The following SOX5 variants were observed in gnomAD, a reference collection of about 807,000 sequenced individuals.
The protein encoded by SOX5 is SRY-box transcription factor 5.
A neutral mutation model predicts 92.0 loss-of-function variants in SOX5; 9 were observed. The observed-to-expected ratio is 0.10, with a 90% confidence interval of 0.06 to 0.17. The LOEUF is 0.17. Ranked by LOEUF, SOX5 falls within the 10% of genes least tolerant of loss-of-function variation. The pLI, the probability that SOX5 is intolerant of heterozygous loss-of-function variation, is 1.00. For missense variants in SOX5, 642 were observed against 944.5 expected (o/e 0.68, Z 4.20); for synonymous variants, 344 against 336.3 (o/e 1.02, Z -0.25).
chr12:23,938,982 T>A (rs1372162481), intron 1 of SOX5, among the ~76,000 whole-genome samples: 1 of 151,132 alleles, frequency 6.6e-6, no homozygotes, highest in African/African-American at 2.4e-5. Flanking sequence ...TTGCCAAAAA[T>A]TAAACCTAGT....
intron 1 of SOX5, among the ~76,000 whole-genome samples, chr12:23,940,260 G>C (rs1943365138): frequency 6.6e-6 from 1 of 151,146 alleles, no homozygotes; most frequent in African/African-American, 2.4e-5. Flanking sequence ...ACTTCAAATA[G>C]CTCAGAGCAA....
chr12:23,554,132 A>C (rs915740533), intron 11 of SOX5, among the ~76,000 whole-genome samples: 4 of 152,112 alleles, frequency 2.6e-5, no homozygotes, highest in African/African-American at 9.7e-5. Context: ...CTTATAATGA[A>C]TAGCTGAAAC....
intron 2 of SOX5, among the ~76,000 whole-genome samples, chr12:24,283,200 G>T (rs914706437): frequency 8.5e-5 from 13 of 152,168 alleles, no homozygotes; most frequent in African/African-American, 3.1e-4. Flanking sequence ...CCACAATGTT[G>T]TAAAAATAAA....
Position 24,200,522 on chromosome 12 carries a change from G to A in SOX5, c.-2+12821C>T, listed in dbSNP as rs147993919. ...TTTTTTTAATTTGATCTACGCTGCC[G>A]TGAAAACACGCACACTCATATATAG... On this transcript the variant is annotated intron_variant, in intron 4 of 4. Coordinates refer to the SOX5 transcript ENST00000446891. Among the ~76,000 whole-genome samples, 61 of 151,652 alleles carry A rather than the reference G, an allele frequency of 4.0e-4. 1 individual carries two copies. The highest frequency in any genetic ancestry group is 1.3e-3 in the African/African-American group (54 of 41,294).
At chr12:23,846,656 C>T (rs1409202699) in intron 2 of SOX5, among the ~76,000 whole-genome samples, 1 of 152,074 alleles carries the variant, frequency 6.6e-6, no homozygotes, top group East Asian at 1.9e-4. Flanking sequence ...AATATCATTA[C>T]ACACAATTTA....
At chr12:23,954,203 C>T (rs954443454), upstream of SOX5, among the ~76,000 whole-genome samples, 1 of 151,972 alleles carries the variant, frequency 6.6e-6, no homozygotes. Flanking sequence ...GCAAATTACA[C>T]TTCCATATTT....
intron 2 of SOX5, among the ~76,000 whole-genome samples, chr12:24,342,445 A>C (rs1203625108): frequency 2.6e-5 from 4 of 152,210 alleles, no homozygotes. Context: ...TCTATCACCA[A>C]ATGAACCTAT....
chr12:23,988,791 G>T (rs765083137), intron 4 of SOX5, among the ~76,000 whole-genome samples: 1 of 152,126 alleles, frequency 6.6e-6, no homozygotes, highest in Non-Finnish European at 1.5e-5. Context: ...GGACTGATGG[G>T]TTGGCAGGCT....
At chr12:23,833,968 C>T (rs1357638992) in intron 3 of SOX5, among the ~76,000 whole-genome samples, 1 of 151,894 alleles carries the variant, frequency 6.6e-6, no homozygotes, top group Non-Finnish European at 1.5e-5. Context: ...GAAACAAGCA[C>T]CTCCAAAGTC....
At chr12:24,054,402 T>TA (rs1306649271) in intron 4 of SOX5, among the ~76,000 whole-genome samples, 2 of 152,160 alleles carry the variant, frequency 1.3e-5, no homozygotes, top group Non-Finnish European at 2.9e-5. Context: ...TTACCATAGA[T>TA]AGAGTCTCAA....
Position 24,015,261 on chromosome 12 carries a change from G to A in SOX5, c.-1-119237C>T, listed in dbSNP as rs554639780. ...CTCTCCCTTCCTCTCTTGTAGTGCGGTAATCGGTGGGCTCTTTTCACAAAA... is the reference window on the plus strand; with the variant it reads ...CTCTCCCTTCCTCTCTTGTAGTGCGATAATCGGTGGGCTCTTTTCACAAAA... On this transcript the variant is annotated intron_variant, in intron 4 of 4. Coordinates refer to the SOX5 transcript ENST00000446891. Among the ~76,000 whole-genome samples, 19 of 152,174 alleles carry A rather than the reference G, an allele frequency of 1.2e-4. No individual in the cohort carries two copies. The South Asian group carries it at 3.7e-3, about 30-fold the overall frequency.
chr12:24,005,049 T>C (rs947290089), intron 4 of SOX5, among the ~76,000 whole-genome samples: 3 of 152,018 alleles, frequency 2.0e-5, no homozygotes, highest in African/African-American at 7.2e-5. Context: ...TTATATTAAA[T>C]GTCCAAAAAG....
chr12:24,283,229 C>A (rs541354526), intron 2 of SOX5, among the ~76,000 whole-genome samples: 2 of 152,278 alleles, frequency 1.3e-5, no homozygotes, highest in East Asian at 1.9e-4. Flanking sequence ...GTATTCTTGG[C>A]TAAATGAAAA....
intron 4 of SOX5, among the ~76,000 whole-genome samples, chr12:24,031,643 T>A (rs1317831211): frequency 1.3e-5 from 2 of 151,882 alleles, no homozygotes; most frequent in African/African-American, 4.8e-5. Context: ...TCATCTTAAG[T>A]CATTTATAAA....
chr12:23,871,329 T>C (rs1319120397), intron 2 of SOX5, among the ~76,000 whole-genome samples: 4 of 152,324 alleles, frequency 2.6e-5, no homozygotes, highest in Admixed American at 2.0e-4. Context: ...ACTTTATCTT[T>C]GTTTTGGTCT....
chr12:24,537,316 T>A (rs944025375), intron 1 of SOX5, among the ~76,000 whole-genome samples: 12 of 152,144 alleles, frequency 7.9e-5, no homozygotes, highest in African/African-American at 2.9e-4. Flanking sequence ...CTAGCCAAAT[T>A]TCATAGCTGC....
intron 4 of SOX5, among the ~76,000 whole-genome samples, chr12:23,743,128 G>A (rs533563220): frequency 4.3e-4 from 66 of 152,152 alleles, no homozygotes; most frequent in Admixed American, 1.5e-3. Context: ...TTAATGACAT[G>A]GGATCTAGTT....
intron 1 of SOX5, among the ~76,000 whole-genome samples, chr12:24,548,902 T>G (rs1200102676): frequency 6.6e-6 from 1 of 152,184 alleles, no homozygotes; most frequent in Non-Finnish European, 1.5e-5. Flanking sequence ...TCACCGTTAT[T>G]ATGAAGACTC....
rs540495039 is a variant in SOX5 at position 23,927,907 on chromosome 12, T to C, written c.38+21657A>G. The stretch of plus-strand genomic sequence containing the variant: ...TCACAAATAAGCTCACCTTGAAATT[T>C]ATCTGTCTCCAGAAAAGCATTACAT... On this transcript the variant is annotated intron_variant, in intron 1 of 14. Transcript: ENST00000451604. Among the ~76,000 whole-genome samples, 5 of 152,180 alleles carry C rather than the reference T, an allele frequency of 3.3e-5. No homozygotes were observed. In the South Asian group the frequency reaches 1.0e-3, roughly 32 times the overall value.
Sources: allele counts gnomAD v4.1 joint callset (sites outside exome capture counted in the v4.1 genomes callset), GRCh38; gene constraint gnomAD v4.1.1; transcripts MANE v1.5; gene names NCBI Gene and HGNC (gene_info 2026-07-23, HGNC 2026-07-21).